The following P2RX7 variants were observed in gnomAD, a reference collection of about 807,000 sequenced individuals.
The protein encoded by P2RX7 is P2X purinoceptor 7.
A neutral mutation model predicts 71.6 loss-of-function variants in P2RX7; 62 were observed. The observed-to-expected ratio is 0.87, with a 90% CI of 0.71 to 1.07. The LOEUF (loss-of-function observed/expected upper bound fraction) is 1.07, where lower values mean the gene tolerates loss of function less well. Ranked by LOEUF, P2RX7 falls within the 50% of genes least tolerant of loss-of-function variation. The pLI is 0.00. For missense variants in P2RX7, 686 were observed against 748.5 expected (o/e 0.92, Z 0.97); for synonymous variants, 299 against 283.3 (o/e 1.06, Z -0.56).
In P2RX7 at chr12:121,154,938, C is replaced by CACCTT. The variant is rs764013575; in HGVS notation, c.280_284dup (p.Phe95LeufsTer12). The CACCTT allele has an allele frequency of 2.5e-6, 4 of 1,614,184 alleles. No homozygotes were observed. The East Asian group carries it at 8.9e-5, about 36-fold the overall frequency. On this transcript the variant is annotated frameshift_variant, in exon 2 of 13. Transcript: ENST00000328963. LOFTEE classifies it high-confidence loss of function. The surrounding 1 kb of genome is among the most constrained non-coding windows in gnomAD (Gnocchi z 4.2). ...ACAGTGTCTTTGACACCGCAGACTACACCTTCCCTTTGCAGGTGAGCACCT... is the reference window on the plus strand; with the variant it reads ...ACAGTGTCTTTGACACCGCAGACTACACCTTACCTTCCCTTTGCAGGTGAGCACCT...
At chr12:121,166,948 A>G (rs1217876481) in intron 7 of P2RX7, among the ~76,000 whole-genome samples, 1 of 150,926 alleles carries the variant, frequency 6.6e-6, no homozygotes, top group Non-Finnish European at 1.5e-5. Context: ...GCTACTCGGG[A>G]GGCTGAGACA....
Position 121,134,965 on chromosome 12 carries a change from C to CA in P2RX7, c.125+1880dup, listed in dbSNP as rs112397578. ...TGTTCATAGGGTTGTGGCAATTAAC[C>CA]AAAAAAAAAAGGCATGAACAGCCCT... On this transcript the variant is annotated intron_variant, in intron 1 of 12. Coordinates refer to ENST00000328963, the MANE Select transcript of P2RX7 (RefSeq NM_002562.6). 3.2e-3 allele frequency among the ~76,000 whole-genome samples: 453 copies of CA among 140,990 alleles called. 5 individuals are homozygous for CA. Among genetic ancestry groups the CA allele is most frequent in the African/African-American group, 0.01 (398 of 38,344 alleles). 92.5% of individuals were successfully genotyped at this position (140,990 alleles called of 152,430 possible).
chr12:121,174,842 T>C (rs1035573011), intron 8 of P2RX7, among the ~76,000 whole-genome samples: 1 of 152,024 alleles, frequency 6.6e-6, no homozygotes, highest in Non-Finnish European at 1.5e-5. Context: ...CACTCTGAGA[T>C]GATGCAGGTA....
intron 3 of P2RX7, among the ~76,000 whole-genome samples, chr12:121,158,116 C>T (rs950890110): frequency 1.3e-5 from 2 of 152,070 alleles, no homozygotes; most frequent in South Asian, 2.1e-4. Context: ...CCCTCTATCT[C>T]GGGTTGTCTC....
Position 121,136,023 on chromosome 12 carries a change from A to AAAAAAAAAAAAAAAAAATATAT in P2RX7, c.125+2929_125+2930insAAAAAAAAAAAAAAAATATATA. Among the ~76,000 whole-genome samples the AAAAAAAAAAAAAAAAAATATAT allele has an allele frequency of 5.2e-4, 8 of 15,258 alleles. 1 individual carries two copies. The highest frequency in any genetic ancestry group is 5.4e-3 in the South Asian group (1 of 184). 10.0% of individuals were successfully genotyped at this position (15,258 alleles called of 152,430 possible). A position where few individuals can be genotyped will look rare whatever the true frequency, so the allele number is the denominator to read the frequency against. Reference sequence around the variant, plus strand: ...TGTCTCAAAAAAAAAAAAAAAAAAAAATATATATATATATATATAGTATTT... The same window carrying AAAAAAAAAAAAAAAAAATATAT: ...TGTCTCAAAAAAAAAAAAAAAAAAAAAAAAAAAAAAAAAAAAATATATATATATATATATATATATAGTATTT... On this transcript the variant is annotated intron_variant, in intron 1 of 12. Coordinates refer to ENST00000328963, the MANE Select transcript of P2RX7 (RefSeq NM_002562.6).
In P2RX7 at chr12:121,154,893, T is replaced by C. The variant is rs112275589; in HGVS notation, c.234T>C (p.Asn78=). 5.0e-4 allele frequency: 813 copies of C among 1,614,104 alleles called. 4 individuals are homozygous for C. In the African/African-American group the frequency reaches 7.7e-3, roughly 15 times the overall value. The change falls in exon 2 of 13, where the codon AAT becomes AAC. Residue 78 remains asparagine, a synonymous_variant. Coordinates refer to ENST00000328963, the MANE Select transcript of P2RX7 (RefSeq NM_002562.6). The surrounding 1 kb of genome is among the most constrained non-coding windows in gnomAD (Gnocchi z 4.2). ...IAEVKEEIVE[N]GVKKLVHSVF... ...AGGTGAAAGAGGAGATCGTGGAGAA[T>C]GGAGTGAAGAAGTTGGTGCACAGTG...
In P2RX7 at chr12:121,186,935, G is replaced by C. The variant is rs972988484; in HGVS notation, c.*2133G>C. ...AAAGTGACTAAAAAGCTGGCTTTAT[G>C]CCATTAACACTCTGTACTTTGCAGC... On this transcript the variant is annotated 3_prime_UTR_variant, in exon 13 of 13. Transcript: ENST00000328963. The C allele has an allele frequency of 6.6e-6, 1 of 152,248 alleles. No homozygotes were observed. The highest frequency in any genetic ancestry group is 2.4e-5 in the African/African-American group (1 of 41,448). 9.4% of individuals were successfully genotyped at this position (152,248 alleles called of 1,614,324 possible). A position where few individuals can be genotyped will look rare whatever the true frequency, so the allele number is the denominator to read the frequency against.
chr12:121,133,645 T>C (rs1472434182), intron 1 of P2RX7, among the ~76,000 whole-genome samples: 3 of 152,272 alleles, frequency 2.0e-5, no homozygotes, highest in South Asian at 2.1e-4. Context: ...ATTCCCAGAG[T>C]TGTGCAACCA....
chr12:121,165,319 C>T (rs654856), intron 5 of P2RX7, 38 bp from the exon 6 acceptor site: 1 of 1,558,530 alleles, frequency 6.4e-7, no homozygotes, highest in Admixed American at 1.7e-5. Flanking sequence ...CTCGGTTCCC[C>T]CCGTCACTAA....
At chr12:121,166,220 C>T in intron 7 of P2RX7, 33 bp downstream of exon 7, 1 of 1,603,164 alleles carries the variant, frequency 6.2e-7, no homozygotes, top group Non-Finnish European at 8.5e-7. Flanking sequence ...GGATGTGGGG[C>T]TGTGTGTCTA....
intron 1 of P2RX7, among the ~76,000 whole-genome samples, chr12:121,147,008 A>G (rs1876338027): frequency 6.6e-6 from 1 of 152,284 alleles, no homozygotes; most frequent in Non-Finnish European, 1.5e-5. Flanking sequence ...GGAGAATCCC[A>G]AAGAATTCAC....
Position 121,183,706 on chromosome 12 carries a change from G to A in P2RX7, c.1291-599G>A, listed in dbSNP as rs756691830. On this transcript the variant is annotated intron_variant, in intron 12 of 12. Coordinates refer to ENST00000328963, the MANE Select transcript of P2RX7 (RefSeq NM_002562.6). ...TGTGGGAGAAAAGCTGCTAGATAGG[G>A]TGGTCAGGACAAGAGGTGACATCTC... 7.2e-5 allele frequency among the ~76,000 whole-genome samples: 11 copies of A among 152,202 alleles called. No individual in the cohort carries two copies. In the South Asian group the frequency reaches 1.2e-3, roughly 17 times the overall value.
intron 1 of P2RX7, among the ~76,000 whole-genome samples, chr12:121,140,357 T>G (rs144824453): frequency 6.6e-6 from 1 of 152,272 alleles, no homozygotes; most frequent in Non-Finnish European, 1.5e-5. Context: ...CTGAAAAGTT[T>G]TATGCAGAGA....
chr12:121,144,354 C>T (rs1192246009), intron 1 of P2RX7, among the ~76,000 whole-genome samples: 1 of 152,134 alleles, frequency 6.6e-6, no homozygotes, highest in East Asian at 1.9e-4. Context: ...TGCACCAACA[C>T]ACCTGGCTAA....
chr12:121,175,624 A>G (rs1268685644), intron 9 of P2RX7, 146 bp downstream of exon 9: 2 of 596,550 alleles, frequency 3.4e-6, no homozygotes, highest in African/African-American at 3.7e-5. Flanking sequence ...GAGGAAGAAG[A>G]TGTTCTCGGG....
chr12:121,155,163 T>C (rs552655483), intron 2 of P2RX7: 2 of 1,499,454 alleles, frequency 1.3e-6, no homozygotes, highest in East Asian at 2.6e-5. Context: ...TCCTACAGGG[T>C]TTCTCAAAAT....
chr12:121,159,577 A>G (rs1227694798), intron 3 of P2RX7, among the ~76,000 whole-genome samples: 1 of 152,200 alleles, frequency 6.6e-6, no homozygotes, highest in African/African-American at 2.4e-5. Context: ...TCACTGTAGA[A>G]GCCACAAATT....
intron 1 of P2RX7, among the ~76,000 whole-genome samples, chr12:121,134,274 C>CT (rs1267457896): frequency 6.6e-6 from 1 of 152,150 alleles, no homozygotes; most frequent in African/African-American, 2.4e-5. Context: ...GAATGTGGAG[C>CT]TGAATTTCAC....
intron 6 of P2RX7, 32 bp from the exon 7 acceptor site, chr12:121,166,026 T>C (rs200464475): frequency 2.6e-6 from 2 of 778,990 alleles, no homozygotes; most frequent in Non-Finnish European, 3.7e-6. Context: ...ATCGAGATGT[T>C]TGTTTGTTTG....
Sources: gnomAD v4.1 joint callset for allele counts (sites outside exome capture counted in the v4.1 genomes callset) on GRCh38, gnomAD v4.1.1 for gene constraint, Gnocchi (gnomAD v3.1) non-coding constraint, MANE v1.5 for transcripts, NCBI Gene and HGNC (gene_info 2026-07-23, HGNC 2026-07-21) for gene names.